Variants in LEMD1 observed in about 807,000 individuals in gnomAD.
LEMD1 encodes the protein LEM domain containing 1.
LEMD1 carries 18 observed loss-of-function variants against 17.4 expected under a neutral mutation model. The observed-to-expected ratio is 1.04, with a 90% CI of 0.72 to 1.54. LEMD1 has a LOEUF of 1.54. Ranked by LOEUF, LEMD1 falls within the 40% of genes most tolerant of loss-of-function variation. The pLI, the probability that LEMD1 is intolerant of heterozygous loss-of-function variation, is 0.00. For synonymous variants in LEMD1, 88 were observed against 77.8 expected (o/e 1.13, Z -0.69); for missense variants, 195 against 210.4 (o/e 0.93, Z 0.45).
chr1:205,437,255 G>A (rs1239432621), intron 1 of LEMD1: 3 of 152,590 alleles, frequency 2.0e-5, no homozygotes, highest in African/African-American at 7.2e-5. Flanking sequence ...CTGGAGCAGA[G>A]CGCCAGTCCT....
chr1:205,423,445 G>A (rs1056829181), upstream of LEMD1, among the ~76,000 whole-genome samples: 3 of 152,200 alleles, frequency 2.0e-5, no homozygotes, highest in Admixed American at 1.3e-4. Flanking sequence ...CCAGCAGGTG[G>A]AACTGCTTCC....
intron 1 of LEMD1, among the ~76,000 whole-genome samples, chr1:205,443,604 C>T (rs1381850984): frequency 6.6e-6 from 1 of 152,262 alleles, no homozygotes; most frequent in South Asian, 2.1e-4. Flanking sequence ...GTCCTTGTAT[C>T]TAAGAGTAGA....
chr1:205,383,323 G>A (rs1663814070), intron 5 of LEMD1, among the ~76,000 whole-genome samples: 1 of 152,138 alleles, frequency 6.6e-6, no homozygotes, highest in Admixed American at 6.6e-5. Flanking sequence ...TCAAACTCCT[G>A]GCCTCAAGTG....
Position 205,391,997 on chromosome 1 carries a change from G to T in LEMD1, c.271-7633C>A, listed in dbSNP as rs376824139. Among the ~76,000 whole-genome samples the T allele has an allele frequency of 5.7e-3, 865 of 150,550 alleles. 8 individuals carry two copies. The highest frequency in any genetic ancestry group is 0.017 in the African/African-American group (692 of 40,940). ...ATAGTGGCAGGCACCTGTAATCCCA[G>T]CTACTCAGGAGGCTGGGGCAGGAGG... On this transcript the variant is annotated intron_variant, in intron 4 of 5. Transcript: ENST00000367153.
chr1:205,405,266 G>T (rs972659271), intron 4 of LEMD1, among the ~76,000 whole-genome samples: 13 of 150,878 alleles, frequency 8.6e-5, no homozygotes, highest in Non-Finnish European at 1.6e-4. Flanking sequence ...CTAGATTGGG[G>T]AAGTTCTCCT....
intron 1 of LEMD1, among the ~76,000 whole-genome samples, chr1:205,442,071 G>A (rs1450679137): frequency 6.6e-6 from 1 of 152,180 alleles, no homozygotes; most frequent in East Asian, 1.9e-4. Context: ...CTGCCCCTGG[G>A]CCTATGGAAA....
rs1663881265 is a variant in LEMD1 at position 205,384,325 on chromosome 1, T to C, written c.310A>G (p.Thr104Ala). 1.3e-6 allele frequency: 2 copies of C among 1,525,012 alleles called. No homozygotes were observed. The highest frequency in any genetic ancestry group is 1.8e-6 in the Non-Finnish European group (2 of 1,137,390). The allele number at this position is 1,525,012 out of a possible 1,614,324, so 94.5% of individuals were successfully genotyped here. Residue 104 changes from threonine to alanine, a missense_variant, in exon 5 of 6, where the codon ACC becomes GCC. Physicochemically the swap from Thr to Ala is moderately conservative, Grantham distance 58. Coordinates refer to ENST00000367153, the MANE Select transcript of LEMD1 (RefSeq NM_001199050.2). ...GAAGGCTTATAATCCAAGCAATAGGTATCTACAGCTTTGCGTTTAGTGGTG... is the reference window on the plus strand; with the variant it reads ...GAAGGCTTATAATCCAAGCAATAGGCATCTACAGCTTTGCGTTTAGTGGTG... ...ASTTKRKAVDTYCLDYKPSKG... is the reference protein window; with the variant it reads ...ASTTKRKAVDAYCLDYKPSKG...
rs1446526839 is a variant in LEMD1, at chr1:205,419,423, T to A, written c.83-71A>T. 14 of 1,529,172 alleles carry A rather than the reference T, an allele frequency of 9.2e-6. No individual in the cohort carries two copies. In the Admixed American group the frequency reaches 2.4e-4, roughly 26 times the overall value. The allele number at this position is 1,529,172 out of a possible 1,614,324, so 94.7% of individuals were successfully genotyped here. On this transcript the variant is annotated intron_variant, in intron 2 of 5. Transcript: ENST00000367153. ...ATATGAGCCTACTAGGTTCAAGGTA[T>A]TTCATAACTCAGAATTTTATTCTTA...
intron 4 of LEMD1, among the ~76,000 whole-genome samples, chr1:205,408,722 A>G (rs973579521): frequency 3.0e-4 from 45 of 151,444 alleles, no homozygotes; most frequent in African/African-American, 9.7e-4. Context: ...CTAGTCTCGA[A>G]CTCCTGGGCT....
chr1:205,429,636 G>A lies in LEMD1; in HGVS notation c.-38-9062C>T, dbSNP rs139416122. On this transcript the variant is annotated intron_variant, in intron 1 of 3. Coordinates refer to the LEMD1 transcript ENST00000367154. ...TTGGGGGAGGAAGAGACCCCCAAAT[G>A]CAATCTAAACCGGAGATCACAGTGG... Among the ~76,000 whole-genome samples, 15 of 152,272 alleles carry A rather than the reference G, an allele frequency of 9.9e-5. No individual in the cohort carries two copies. The East Asian group carries it at 2.9e-3, about 29-fold the overall frequency.
chr1:205,448,027 G>A lies in LEMD1; in HGVS notation c.-39+1841C>T, dbSNP rs908947735. 1.3e-4 allele frequency among the ~76,000 whole-genome samples: 20 copies of A among 152,146 alleles called. No homozygotes were observed. Among genetic ancestry groups the A allele is most frequent in the African/African-American group, 2.4e-5 (1 of 41,428 alleles). On this transcript the variant is annotated intron_variant, in intron 1 of 3. Transcript: ENST00000367154. The surrounding 1 kb of genome is among the most constrained non-coding windows in gnomAD (Gnocchi z 4.7). ...GCCAGGCCTCAGTAATTTGGCAAGG[G>A]GGAAGGAACCGACTCAGAAAGCTCA...
Position 205,381,690 on chromosome 1 carries a change from G to A in LEMD1, c.514C>T (p.Leu172=), listed in dbSNP as rs781596216. 3.1e-6 allele frequency: 5 copies of A among 1,614,110 alleles called. No homozygotes were observed. Among genetic ancestry groups the A allele is most frequent in the Non-Finnish European group, 4.2e-6 (5 of 1,180,050 alleles). The change falls in exon 6 of 6, where the codon CTG becomes TTG. Residue 172 remains leucine (L), a synonymous_variant. Coordinates refer to ENST00000367153, the MANE Select transcript of LEMD1 (RefSeq NM_001199050.2). The stretch of plus-strand genomic sequence containing the variant: ...AACAGCGACTTATTTTCCACAGTCA[G>A]GTAGACAAACACCACAATGATGAAA... ...GIFIIVVFVY[L]TVENKSLFG
intron 1 of LEMD1, among the ~76,000 whole-genome samples, chr1:205,445,062 G>T (rs1420081685): frequency 6.6e-6 from 1 of 152,180 alleles, no homozygotes; most frequent in Non-Finnish European, 1.5e-5. Context: ...ATTCATCACT[G>T]CGAAGGGAAG....
chr1:205,397,552 C>T (rs75597581), intron 4 of LEMD1, among the ~76,000 whole-genome samples: 3,256 of 152,280 alleles, frequency 0.021, 127 homozygotes, highest in African/African-American at 0.075. Flanking sequence ...GATCACACCA[C>T]TGCACTTCAA....
At chr1:205,444,715 G>A (rs1666353567) in intron 1 of LEMD1, among the ~76,000 whole-genome samples, 1 of 152,168 alleles carries the variant, frequency 6.6e-6, no homozygotes, top group Non-Finnish European at 1.5e-5. Flanking sequence ...TCCTTCATCA[G>A]AGTGGGCGGC....
At chr1:205,409,813 C>T (rs1047991311) in intron 4 of LEMD1, among the ~76,000 whole-genome samples, 5 of 151,440 alleles carry the variant, frequency 3.3e-5, no homozygotes, top group Admixed American at 6.6e-5. Flanking sequence ...GCGCTTGTTG[C>T]CCAGGCTGGA....
At position 205,381,633 on chromosome 1, in the gene LEMD1, G is replaced by A. The variant is rs564269822; in HGVS notation, c.*25C>T. 44 of 1,611,946 alleles carry A rather than the reference G, an allele frequency of 2.7e-5. No individual in the cohort carries two copies. The highest frequency in any genetic ancestry group is 2.1e-4 in the African/African-American group (16 of 75,004). ...TTCCTGAAGCAGGAGGCCTCGCTTGGAGCATTGCTTTGCTCCTAAATTACT... is the reference window on the plus strand; with the variant it reads ...TTCCTGAAGCAGGAGGCCTCGCTTGAAGCATTGCTTTGCTCCTAAATTACT... On this transcript the variant is annotated 3_prime_UTR_variant, in exon 6 of 6. Transcript: ENST00000367153.
upstream of LEMD1, among the ~76,000 whole-genome samples, chr1:205,423,097 C>A (rs577519523): frequency 3.3e-5 from 5 of 152,304 alleles, no homozygotes; most frequent in Admixed American, 1.3e-4. Flanking sequence ...GAGGCTTCAT[C>A]TCATTTACAC....
At chr1:205,432,356 G>C (rs1436539172) in intron 1 of LEMD1, among the ~76,000 whole-genome samples, 9 of 152,158 alleles carry the variant, frequency 5.9e-5, no homozygotes, top group Admixed American at 5.2e-4. Flanking sequence ...CCTTGGCCCA[G>C]TGTGCACTGC....
Sources: gnomAD v4.1 joint callset for allele counts (sites outside exome capture counted in the v4.1 genomes callset) on GRCh38, gnomAD v4.1.1 for gene constraint, Gnocchi (gnomAD v3.1) non-coding constraint, MANE v1.5 for transcripts, NCBI Gene and HGNC (gene_info 2026-07-23, HGNC 2026-07-21) for gene names.